The following LINGO2 variants were observed in gnomAD, a reference collection of about 807,000 sequenced individuals.
The protein encoded by LINGO2 is leucine-rich repeat and immunoglobulin-like domain-containing nogo receptor-interacting protein 2.
In LINGO2, 14 loss-of-function variants were observed where a neutral mutation model predicts 30.6. That is an observed-to-expected ratio of 0.46 (90% CI 0.30 to 0.72). The LOEUF (loss-of-function observed/expected upper bound fraction) is 0.72. Ranked by LOEUF, LINGO2 falls within the 30% of genes least tolerant of loss-of-function variation. LINGO2 has a pLI of 0.07. For missense variants in LINGO2, 729 were observed against 751.7 expected, an observed-to-expected ratio of 0.97 and a Z score of 0.35; for synonymous variants, 317 against 288.5, an observed-to-expected ratio of 1.10 and a Z score of -1.00.
chr9:28,885,821 TG>T, the LINGO2 span, among the ~76,000 whole-genome samples: 2 of 152,132 alleles, frequency 1.3e-5, no homozygotes, highest in African/African-American at 4.8e-5. Context: ...GAGGTTGCCA[TG>T]CAGAAACTAG....
At chr9:29,189,207 C>T in the LINGO2 span, among the ~76,000 whole-genome samples, 1 of 149,052 alleles carries the variant, frequency 6.7e-6, no homozygotes, top group African/African-American at 2.5e-5. Flanking sequence ...CCTCACTTCC[C>T]AGTAGGGGCG....
chr9:28,223,159 C>G (rs1258410031), intron 4 of LINGO2, among the ~76,000 whole-genome samples: 1 of 152,148 alleles, frequency 6.6e-6, no homozygotes, highest in Non-Finnish European at 1.5e-5. Context: ...TCCATTTGTG[C>G]TTCTGTAACA....
At chr9:28,384,224 T>C (rs537127492) in intron 2 of LINGO2, among the ~76,000 whole-genome samples, 54 of 151,100 alleles carry the variant, frequency 3.6e-4, no homozygotes, top group Non-Finnish European at 6.5e-4. Context: ...GTTGACCCTA[T>C]GCTCCTCTAT....
intron 4 of LINGO2, among the ~76,000 whole-genome samples, chr9:28,242,009 G>A (rs1001194489): frequency 1.3e-5 from 2 of 150,370 alleles, no homozygotes; most frequent in South Asian, 2.1e-4. Flanking sequence ...TCATGAAGAT[G>A]AGAAAAAAAA....
At chr9:29,207,877 C>T in the LINGO2 span, among the ~76,000 whole-genome samples, 1 of 152,006 alleles carries the variant, frequency 6.6e-6, no homozygotes, top group South Asian at 2.1e-4. Flanking sequence ...AATAAGAGCA[C>T]ATAATTATTT....
chr9:28,876,334 T>C, the LINGO2 span, among the ~76,000 whole-genome samples: 1 of 152,060 alleles, frequency 6.6e-6, no homozygotes, highest in African/African-American at 2.4e-5. Flanking sequence ...TGTGCCATGC[T>C]GGTGTGCTGC....
chr9:29,020,176 C>T, the LINGO2 span, among the ~76,000 whole-genome samples: 1 of 152,112 alleles, frequency 6.6e-6, no homozygotes, highest in South Asian at 2.1e-4. Flanking sequence ...ATGATTTAGA[C>T]ATTCATCTTC....
At chr9:28,155,999 G>A (rs1036287337) in intron 4 of LINGO2, among the ~76,000 whole-genome samples, 1 of 152,068 alleles carries the variant, frequency 6.6e-6, no homozygotes, top group African/African-American at 2.4e-5. Flanking sequence ...TCAGCCTATG[G>A]TATTTTGTTA....
the LINGO2 span, among the ~76,000 whole-genome samples, chr9:28,911,767 G>A: frequency 2.8e-4 from 42 of 152,112 alleles, 1 homozygote; most frequent in Admixed American, 2.6e-3. Context: ...AGACACATGT[G>A]CTCTAAACAT....
chr9:28,153,128 T>C (rs1828043840), intron 4 of LINGO2, among the ~76,000 whole-genome samples: 1 of 152,200 alleles, frequency 6.6e-6, no homozygotes, highest in African/African-American at 2.4e-5. Flanking sequence ...ACATTTGTTG[T>C]TCCTGGGAGT....
At chr9:27,942,588 G>T in the LINGO2 span, 1 of 151,874 alleles carries the variant, frequency 6.6e-6, no homozygotes, top group African/African-American at 2.4e-5. Flanking sequence ...TTAATTTTTT[G>T]AAAACAAAAA....
chr9:28,174,309 A>G (rs1295067463), intron 4 of LINGO2, among the ~76,000 whole-genome samples: 1 of 152,204 alleles, frequency 6.6e-6, no homozygotes, highest in Non-Finnish European at 1.5e-5. Flanking sequence ...GAAGCAAGCT[A>G]TGGAATCAAA....
intron 3 of LINGO2, among the ~76,000 whole-genome samples, chr9:28,297,182 G>A (rs1823953256): frequency 2.0e-5 from 3 of 152,038 alleles, no homozygotes; most frequent in Admixed American, 1.3e-4. Context: ...TCATACTTTG[G>A]TTCTGCCACT....
the LINGO2 span, among the ~76,000 whole-genome samples, chr9:28,818,606 G>A: frequency 1.3e-5 from 2 of 152,020 alleles, no homozygotes; most frequent in Non-Finnish European, 2.9e-5. Context: ...GGTTGGTCTC[G>A]AACTCCTGAC....
Position 28,047,666 on chromosome 9 carries a change from GTCT to G in LINGO2, c.-86-35264_-86-35262del, listed in dbSNP as rs1179253702. On this transcript the variant is annotated intron_variant, in intron 4 of 5. Coordinates refer to ENST00000379992, the Ensembl canonical transcript of LINGO2. ...AGTAACGGTAGCTACCTTGTGGGAG[GTCT>G]TCTATGAATAACCTGAGATAACATA... 2.7e-5 allele frequency among the ~76,000 whole-genome samples: 4 copies of G among 150,866 alleles called. 1 individual carries two copies. Among genetic ancestry groups the G allele is most frequent in the African/African-American group, 9.8e-5 (4 of 40,864 alleles).
chr9:28,855,128 G>C, the LINGO2 span, among the ~76,000 whole-genome samples: 1 of 151,884 alleles, frequency 6.6e-6, no homozygotes, highest in Non-Finnish European at 1.5e-5. Context: ...GTTCTTTAGT[G>C]GGTGCTCTTC....
At chr9:28,990,864 A>T in the LINGO2 span, among the ~76,000 whole-genome samples, 6 of 152,270 alleles carry the variant, frequency 3.9e-5, no homozygotes, top group Non-Finnish European at 8.8e-5. Context: ...GTACATCACC[A>T]TCATCACCAT....
Position 28,182,856 on chromosome 9 carries a change from G to A in LINGO2, c.-87+112352C>T, listed in dbSNP as rs543829952. Among the ~76,000 whole-genome samples, 3 of 152,324 alleles carry A rather than the reference G, an allele frequency of 2.0e-5. No homozygotes were observed. The South Asian group carries it at 6.2e-4, about 32-fold the overall frequency. ...AAATATGAACACTTTTACACTGTTG[G>A]TGGGAGTGTAAATTAGTTCAACCAT... On this transcript the variant is annotated intron_variant, in intron 4 of 5. Transcript: ENST00000379992.
At chr9:28,449,185 T>C (rs1824549658) in intron 2 of LINGO2, among the ~76,000 whole-genome samples, 1 of 152,028 alleles carries the variant, frequency 6.6e-6, no homozygotes, top group Admixed American at 6.6e-5. Flanking sequence ...AGCCTGTCTA[T>C]GTGATGCTGT....
Sources: allele counts gnomAD v4.1 joint callset (sites outside exome capture counted in the v4.1 genomes callset), GRCh38; gene constraint gnomAD v4.1.1; transcripts MANE v1.5; gene names NCBI Gene and HGNC (gene_info 2026-07-23, HGNC 2026-07-21).